ATG7: variants seen among roughly 807,000 people sequenced by gnomAD.
ATG7 encodes ubiquitin-like modifier-activating enzyme ATG7.
ATG7 carries 70 observed loss-of-function variants against 82.4 expected under a neutral mutation model. The observed-to-expected ratio is 0.85, with a 90% CI of 0.70 to 1.04. The LOEUF is 1.04. Ranked by LOEUF, ATG7 falls within the 50% of genes least tolerant of loss-of-function variation. The pLI is 0.00. For missense variants in ATG7, 792 were observed against 864.3 expected (o/e 0.92, Z 1.05); for synonymous variants, 287 against 313.0 (o/e 0.92, Z 0.88).
At chr3:11,573,389 A>G in the ATG7 span, among the ~76,000 whole-genome samples, 1 of 149,868 alleles carries the variant, frequency 6.7e-6, no homozygotes, top group Admixed American at 6.6e-5. Context: ...GAAAGAAAGA[A>G]AGAAAGAAAA....
intron 20 of ATG7, among the ~76,000 whole-genome samples, chr3:11,521,317 G>A (rs1255923234): frequency 3.9e-5 from 6 of 152,154 alleles, no homozygotes; most frequent in South Asian, 2.1e-4. Context: ...GACTGGGACC[G>A]GCACAGGAAA....
intron 20 of ATG7, among the ~76,000 whole-genome samples, chr3:11,460,824 G>C (rs2086234800): frequency 6.6e-6 from 1 of 152,166 alleles, no homozygotes; most frequent in Admixed American, 6.5e-5. Context: ...GCCTGGTAAG[G>C]GCAGACAGGT....
chr3:11,517,520 AGCAGGCACACAGAG>A (rs2092318166), intron 20 of ATG7, among the ~76,000 whole-genome samples: 1 of 152,182 alleles, frequency 6.6e-6, no homozygotes, highest in South Asian at 2.1e-4. Context: ...AGTCGGAGTC[AGCAGGCACACAGAG>A]GCCTGCTGAG....
intron 20 of ATG7, among the ~76,000 whole-genome samples, chr3:11,517,470 GAAAA>G (rs1160404057): frequency 1.3e-5 from 2 of 148,274 alleles, no homozygotes; most frequent in African/African-American, 5.3e-5. Flanking sequence ...TGAATTAAAA[GAAAA>G]AAAACTCGAT....
At chr3:11,543,262 G>T (rs943036992) in intron 20 of ATG7, among the ~76,000 whole-genome samples, 1 of 152,214 alleles carries the variant, frequency 6.6e-6, no homozygotes, top group African/African-American at 2.4e-5. Context: ...CTTGTTCCTG[G>T]AACCCCGGAG....
rs1321510643 is a variant in ATG7, at chr3:11,360,793, A to G, written c.1683+9A>G. ...TGGTGGCCCCAGGAGATGTAAGTGG[A>G]TTTCTCTATAGTTCCAAATATTTCC... On this transcript the variant is annotated intron_variant, in intron 16 of 20. Transcript: ENST00000693202. 2 of 1,613,818 alleles carry G rather than the reference A, an allele frequency of 1.2e-6. No individual in the cohort carries two copies. The highest frequency in any genetic ancestry group is 1.6e-4 in the Middle Eastern group (1 of 6,070).
At chr3:11,332,089 C>T (rs776023297) in intron 10 of ATG7, among the ~76,000 whole-genome samples, 1 of 152,126 alleles carries the variant, frequency 6.6e-6, no homozygotes, top group Non-Finnish European at 1.5e-5. Context: ...AGAATGTTTA[C>T]AGAAGCATTA....
intron 19 of ATG7, among the ~76,000 whole-genome samples, chr3:11,425,880 A>G (rs542473015): frequency 6.6e-6 from 1 of 152,266 alleles, no homozygotes; most frequent in East Asian, 1.9e-4. Flanking sequence ...TTTCATTTTA[A>G]TTTTATATAA....
chr3:11,478,285 C>G (rs1290042484), intron 20 of ATG7, among the ~76,000 whole-genome samples: 3 of 152,192 alleles, frequency 2.0e-5, no homozygotes, highest in Non-Finnish European at 4.4e-5. Flanking sequence ...CTCTATCTCT[C>G]TTTTAGAAAC....
At chr3:11,445,455 A>G (rs969154068) in intron 20 of ATG7, among the ~76,000 whole-genome samples, 1 of 152,200 alleles carries the variant, frequency 6.6e-6, no homozygotes, top group African/African-American at 2.4e-5. Context: ...ACCATATGTT[A>G]TCACTTATAA....
the ATG7 span, among the ~76,000 whole-genome samples, chr3:11,575,588 A>C: frequency 6.6e-6 from 1 of 152,226 alleles, no homozygotes. Flanking sequence ...CCGGAACCAC[A>C]GTGTGCACTT....
intron 20 of ATG7, among the ~76,000 whole-genome samples, chr3:11,531,696 AC>A (rs2092697190): frequency 6.6e-6 from 1 of 151,708 alleles, no homozygotes; most frequent in African/African-American, 2.4e-5. Context: ...ACATGGCAAA[AC>A]CCTGTCTTTG....
chr3:11,417,173 T>C (rs2081439945), intron 19 of ATG7, among the ~76,000 whole-genome samples: 1 of 152,196 alleles, frequency 6.6e-6, no homozygotes, highest in South Asian at 2.1e-4. Flanking sequence ...AAGAGAGAGG[T>C]GAATTCTATC....
At chr3:11,313,554 A>G in intron 8 of ATG7, 134 bp downstream of exon 8, 1 of 563,780 alleles carries the variant, frequency 1.8e-6, no homozygotes, top group South Asian at 2.7e-5. Flanking sequence ...AGGTGGTACT[A>G]GGAGCAGACT....
intron 9 of ATG7, among the ~76,000 whole-genome samples, chr3:11,322,852 A>C (rs1264135864): frequency 2.0e-5 from 3 of 152,142 alleles, no homozygotes; most frequent in African/African-American, 7.2e-5. Flanking sequence ...TAATCCCAGC[A>C]CTCTGGGAGA....
Position 11,309,076 on chromosome 3 carries a change from T to C in ATG7, c.411+15T>C. ...TGACATTTGCAGTAAGTAAATGGGC[T>C]CTCGGTTGCACCGAGGTTGGTGAAA... On this transcript the variant is annotated intron_variant, in intron 7 of 20. Transcript: ENST00000693202. 6.2e-7 allele frequency: 1 copy of C among 1,607,376 alleles called. No individual in the cohort carries two copies. The highest frequency in any genetic ancestry group is 2.2e-5 in the East Asian group (1 of 44,826).
chr3:11,475,770 T>C (rs1574884758), intron 20 of ATG7, among the ~76,000 whole-genome samples: 1 of 152,088 alleles, frequency 6.6e-6, no homozygotes, highest in South Asian at 2.1e-4. Flanking sequence ...AAAATGATCT[T>C]GCAAAACCTG....
intron 20 of ATG7, among the ~76,000 whole-genome samples, chr3:11,476,915 C>G (rs984648628): frequency 6.6e-6 from 1 of 152,196 alleles, no homozygotes; most frequent in African/African-American, 2.4e-5. Flanking sequence ...ATCTTAAATA[C>G]AGATTATGGC....
chr3:11,490,962 T>C (rs557930972), intron 20 of ATG7, among the ~76,000 whole-genome samples: 190 of 152,300 alleles, frequency 1.2e-3, no homozygotes, highest in African/African-American at 4.5e-3. Context: ...GGAGTTGCTC[T>C]TCTTGAGGAG....
Sources: allele counts gnomAD v4.1 joint callset (sites outside exome capture counted in the v4.1 genomes callset), GRCh38; gene constraint gnomAD v4.1.1; transcripts MANE v1.5; gene names NCBI Gene and HGNC (gene_info 2026-07-23, HGNC 2026-07-21).